Variants in COL12A1 observed in about 807,000 individuals in gnomAD.
COL12A1 encodes the protein collagen type XII alpha 1 chain.
COL12A1 carries 114 observed loss-of-function variants against 349.7 expected under a neutral mutation model. That is an observed-to-expected ratio of 0.33 (90% CI 0.28 to 0.38). COL12A1 has a LOEUF of 0.38. Ranked by LOEUF, COL12A1 falls within the 10% of genes least tolerant of loss-of-function variation. The probability of loss-of-function intolerance (pLI) is 1.00; values close to 1 mark genes in which losing one functional copy is unlikely to be tolerated. For missense variants in COL12A1, 3,284 were observed against 3,756.9 expected, an observed-to-expected ratio of 0.87 and a Z score of 3.29; for synonymous variants, 1,369 against 1,329.0, an observed-to-expected ratio of 1.03 and a Z score of -0.66.
In COL12A1 at chr6:75,130,150, G is replaced by A. The variant is rs746527148; in HGVS notation, c.6151C>T (p.Pro2051Ser). 5.6e-6 allele frequency: 9 copies of A among 1,613,988 alleles called. No homozygotes were observed. In the South Asian group the frequency reaches 8.8e-5, roughly 16 times the overall value. The change falls in exon 37 of 66, where the codon CCA (proline) becomes TCA (serine). Residue 2051 changes from proline (P) to serine (S), a missense_variant. By Grantham distance (74) the Pro-to-Ser change is moderately conservative (BLOSUM62 -1). Coordinates refer to ENST00000322507, the MANE Select transcript of COL12A1 (RefSeq NM_004370.6). ...LSVAWDHADG[P>S]VQQYRIIYSP... is the part of the protein sequence containing the mutation. Reference sequence around the variant, plus strand: ...TAGATGATCCTGTACTGCTGAACTGGCCCATCAGCATGATCCCAGGCTACC... The same window carrying A: ...TAGATGATCCTGTACTGCTGAACTGACCCATCAGCATGATCCCAGGCTACC...
At chr6:75,101,934 T>C in intron 57 of COL12A1, 65 bp downstream of exon 57, 1 of 1,557,628 alleles carries the variant, frequency 6.4e-7, no homozygotes, top group Non-Finnish European at 8.8e-7. Context: ...GGGTTCACCT[T>C]TTGAGGCACT....
At chr6:75,108,870 C>T in intron 52 of COL12A1, 148 bp downstream of exon 52, 2 of 770,488 alleles carry the variant, frequency 2.6e-6, no homozygotes, top group Non-Finnish European at 4.2e-6. Context: ...CAATGTACTT[C>T]TTCCAATGTT....
intron 14 of COL12A1, among the ~76,000 whole-genome samples, chr6:75,161,867 C>CG (rs1274343066): frequency 6.6e-6 from 1 of 152,134 alleles, no homozygotes; most frequent in African/African-American, 2.4e-5. Context: ...CAATAACAGA[C>CG]AAACAGCCAA....
At chr6:75,199,576 G>A (rs1013559720) in intron 2 of COL12A1, among the ~76,000 whole-genome samples, 2 of 152,130 alleles carry the variant, frequency 1.3e-5, no homozygotes, top group African/African-American at 4.8e-5. Flanking sequence ...CCAGTTCTCA[G>A]GGAATACTGA....
Position 75,124,360 on chromosome 6 carries a change from C to T in COL12A1, c.6619G>A (p.Val2207Ile), listed in dbSNP as rs1287163987. Residue 2207 changes from valine to isoleucine, a missense_variant, in exon 41 of 66, where the codon GTA becomes ATA. Coordinates refer to ENST00000322507, the MANE Select transcript of COL12A1 (RefSeq NM_004370.6). ...TDQGTTLYLN[V>I]TDLKTYQIGW... ...ATCTGGTAAGTTTTCAGATCTGTTA[C>T]ATTTAAATATACTACAAAATAAAGA... The T allele has an allele frequency of 6.2e-7, 1 of 1,602,804 alleles. No homozygotes were observed. Among genetic ancestry groups the T allele is most frequent in the Non-Finnish European group, 8.5e-7 (1 of 1,172,142 alleles).
At chr6:75,188,270 A>G in intron 8 of COL12A1, 92 bp downstream of exon 8, 1 of 1,343,120 alleles carries the variant, frequency 7.4e-7, no homozygotes, top group Non-Finnish European at 1.0e-6. Context: ...TGGAAGAAAT[A>G]TTTAAATAAA....
At chr6:75,088,996 G>A (rs1345971525) in intron 64 of COL12A1, 110 bp downstream of exon 64, 49 of 826,386 alleles carry the variant, frequency 5.9e-5, no homozygotes, top group African/African-American at 1.5e-4. Context: ...GCAAGACTCC[G>A]TCTCAAAAAC....
chr6:75,121,622 T>C (rs1050001013), intron 43 of COL12A1, among the ~76,000 whole-genome samples, 181 bp from the exon 44 acceptor site: 2 of 152,230 alleles, frequency 1.3e-5, no homozygotes, highest in Admixed American at 1.3e-4. Context: ...ACTTCCTGAA[T>C]CAGTACCAGC....
At chr6:75,172,536 C>T (rs966158961) in intron 13 of COL12A1, among the ~76,000 whole-genome samples, 2 of 152,126 alleles carry the variant, frequency 1.3e-5, no homozygotes, top group Non-Finnish European at 2.9e-5. Flanking sequence ...AGTTTGTCCT[C>T]TAAAAAAATC....
chr6:75,175,171 G>A lies in COL12A1; in HGVS notation c.2577C>T (p.Val859=), dbSNP rs902436577. Residue 859 remains valine, a synonymous_variant, in exon 13 of 66, where the codon GTC becomes GTT. Transcript: ENST00000322507. Reference sequence around the variant, plus strand: ...TATTGGTTGTATCTCCCCTCACAGTGACCTCTTGAGTTTCACCCCCTGCCA... The same window carrying A: ...TATTGGTTGTATCTCCCCTCACAGTAACCTCTTGAGTTTCACCCCCTGCCA... ...TPVAGGETQE[V]TVRGDTTNTV... is the part of the protein sequence containing the mutation. The A allele has an allele frequency of 1.2e-6, 2 of 1,614,096 alleles. No individual in the cohort carries two copies. Among genetic ancestry groups the A allele is most frequent in the Non-Finnish European group, 1.7e-6 (2 of 1,180,022 alleles).
intron 2 of COL12A1, among the ~76,000 whole-genome samples, chr6:75,200,292 G>A (rs751346551): frequency 1.3e-5 from 2 of 152,224 alleles, no homozygotes; most frequent in Non-Finnish European, 2.9e-5. Context: ...AATGTGGCCA[G>A]TACGAAATAA....
At chr6:75,097,426 TGGGA>T in intron 58 of COL12A1, 120 bp from the exon 59 acceptor site, 1 of 621,656 alleles carries the variant, frequency 1.6e-6, no homozygotes, top group South Asian at 2.8e-5. Context: ...ACATGCTGTT[TGGGA>T]GGTAAGCTTT....
chr6:75,186,283 C>T (rs1769615038), intron 8 of COL12A1, among the ~76,000 whole-genome samples: 1 of 152,124 alleles, frequency 6.6e-6, no homozygotes, highest in African/African-American at 2.4e-5. Context: ...AAACAACACA[C>T]AACCCCATTT....
intron 52 of COL12A1, 69 bp downstream of exon 52, chr6:75,108,949 A>G (rs1007386442): frequency 7.1e-5 from 103 of 1,449,398 alleles, no homozygotes; most frequent in Non-Finnish European, 9.3e-5. Flanking sequence ...AAACTCAAGG[A>G]GTTGTTTAGA....
chr6:75,143,317 G>C lies in COL12A1; in HGVS notation c.4762C>G (p.Pro1588Ala). The part of the protein sequence containing the change: ...THSTMNVFWE[P>A]VPGKVRKYIV... ...TATTTACGCACTTTTCCAGGCACAG[G>C]TTCCCAAAAGACATTCATAGTGCTG... The change falls in exon 26 of 66, where the codon CCT (proline) becomes GCT (alanine). Residue 1588 changes from proline to alanine, a missense_variant. Physicochemically the swap from Pro to Ala is conservative, Grantham distance 27 (BLOSUM62 -1). This residue lies in a region of COL12A1 where 2,601 missense variants were observed against 2,824.8 expected (regional missense o/e 0.92). Coordinates refer to ENST00000322507, the MANE Select transcript of COL12A1 (RefSeq NM_004370.6). 1 of 1,613,826 alleles carries C rather than the reference G, an allele frequency of 6.2e-7. No homozygotes were observed. Among genetic ancestry groups the C allele is most frequent in the Non-Finnish European group, 8.5e-7 (1 of 1,179,914 alleles).
Position 75,151,152 on chromosome 6 carries a change from A to G in COL12A1, c.4136T>C (p.Val1379Ala). The G allele has an allele frequency of 1.3e-6, 2 of 1,520,736 alleles. No individual in the cohort carries two copies. Among genetic ancestry groups the G allele is most frequent in the Non-Finnish European group, 1.8e-6 (2 of 1,125,344 alleles). The allele number at this position is 1,520,736 out of a possible 1,614,324, so 94.2% of individuals were successfully genotyped here. ...DDLTINLCNS[V>A]KGPGDLEAPS... The stretch of plus-strand genomic sequence containing the variant: ...TGGGTTAAACTTACCTGGACCTTTG[A>G]CACTGTTACACAAATTAATGGTGAG... The change falls in exon 21 of 66, where the codon GTC (valine) becomes GCC (alanine). Residue 1379 changes from valine to alanine, a missense_variant. Transcript: ENST00000322507.
At chr6:75,172,888 CG>C (rs1768710711) in intron 13 of COL12A1, among the ~76,000 whole-genome samples, 1 of 152,122 alleles carries the variant, frequency 6.6e-6, no homozygotes, top group African/African-American at 2.4e-5. Context: ...CACCTATATC[CG>C]GGGGCCAACT....
intron 14 of COL12A1, among the ~76,000 whole-genome samples, chr6:75,158,039 A>G (rs886195628): frequency 6.6e-6 from 1 of 152,210 alleles, no homozygotes; most frequent in African/African-American, 2.4e-5. Context: ...ATAAGAACAT[A>G]AAAATATCTA....
intron 37 of COL12A1, 27 bp downstream of exon 37, chr6:75,130,064 G>A: frequency 6.2e-7 from 1 of 1,610,252 alleles, no homozygotes; most frequent in East Asian, 2.2e-5. Context: ...ATGATAAAAT[G>A]TGCCAATAAA....
Sources: gnomAD v4.1 joint callset for allele counts (sites outside exome capture counted in the v4.1 genomes callset) on GRCh38, gnomAD v4.1.1 for gene constraint, gnomAD v4.1.1 regional missense constraint, MANE v1.5 for transcripts, NCBI Gene and HGNC (gene_info 2026-07-23, HGNC 2026-07-21) for gene names.